Variants in PTPRH observed in about 807,000 individuals in gnomAD.
PTPRH encodes the protein receptor-type tyrosine-protein phosphatase H.
Under a neutral mutation model 130.2 loss-of-function variants are expected in PTPRH, and 113 were observed. The ratio of observed to expected loss-of-function variants is 0.87; its 90% CI spans 0.75 to 1.01. PTPRH has a LOEUF of 1.01. Ranked by LOEUF, PTPRH falls within the 50% of genes least tolerant of loss-of-function variation. The pLI, the probability that PTPRH is intolerant of heterozygous loss-of-function variation, is 0.00. For synonymous variants in PTPRH, 556 were observed against 577.9 expected (o/e 0.96, Z 0.54); for missense variants, 1,430 against 1,425.0 (o/e 1.00, Z -0.06).
intron 14 of PTPRH, 81 bp downstream of exon 14, chr19:55,187,432 A>T: frequency 9.1e-7 from 1 of 1,097,312 alleles, no homozygotes; most frequent in Non-Finnish European, 1.3e-6. Flanking sequence ...TTGTTTCTCA[A>T]AGCGGGTAGG....
At chr19:55,198,536 G>T in intron 8 of PTPRH, 107 bp downstream of exon 8, 1 of 1,220,838 alleles carries the variant, frequency 8.2e-7, no homozygotes, top group Non-Finnish European at 1.1e-6. Context: ...GGTGAGGCTG[G>T]AGAGGCCCAT....
At chr19:55,201,320 C>T (rs899335360) in intron 6 of PTPRH, among the ~76,000 whole-genome samples, 5 of 151,528 alleles carry the variant, frequency 3.3e-5, no homozygotes, top group Admixed American at 2.6e-4. Flanking sequence ...GAGGCTGCAG[C>T]GAGCTACGAT....
chr19:55,183,778 T>G (rs1281178929), intron 18 of PTPRH, among the ~76,000 whole-genome samples: 1 of 152,148 alleles, frequency 6.6e-6, no homozygotes, highest in Non-Finnish European at 1.5e-5. Flanking sequence ...CACAACGCTG[T>G]GCAGCCCCCA....
In PTPRH at chr19:55,198,551, A is replaced by T. The variant is rs952274993; in HGVS notation, c.1690+92T>A. 6 of 1,323,060 alleles carry T rather than the reference A, an allele frequency of 4.5e-6. No homozygotes were observed. In the African/African-American group the frequency reaches 9.0e-5, roughly 20 times the overall value. 82.0% of individuals were successfully genotyped at this position (1,323,060 alleles called of 1,614,324 possible). A position where few individuals can be genotyped will look rare whatever the true frequency, so the allele number is the denominator to read the frequency against. ...GGTGAGGCTGGAGAGGCCCATGGGTACTCTTCATCTCCCAAGGAGCTCCCA... is the reference window on the plus strand; with the variant it reads ...GGTGAGGCTGGAGAGGCCCATGGGTTCTCTTCATCTCCCAAGGAGCTCCCA... On this transcript the variant is annotated intron_variant, in intron 8 of 19. Coordinates refer to ENST00000376350, the MANE Select transcript of PTPRH (RefSeq NM_002842.5).
intron 13 of PTPRH, 42 bp downstream of exon 13, chr19:55,188,036 A>G (rs1161687183): frequency 4.6e-6 from 7 of 1,536,268 alleles, no homozygotes; most frequent in African/African-American, 1.4e-5. Context: ...GGTCTGGGCC[A>G]CCGGAGGGAG....
At chr19:55,202,009 G>A (rs759365586) in intron 6 of PTPRH, 47 bp downstream of exon 6, 17 of 1,603,810 alleles carry the variant, frequency 1.1e-5, no homozygotes, top group African/African-American at 1.3e-5. Context: ...ACTGCTTACT[G>A]TCCCTTAAAC....
rs1453253400 is a variant in PTPRH at position 55,187,655 on chromosome 19, C to T, written c.2476-52G>A. 4 of 1,393,202 alleles carry T rather than the reference C, an allele frequency of 2.9e-6. No homozygotes were observed. The South Asian group carries it at 3.5e-5, about 12-fold the overall frequency. The allele number at this position is 1,393,202 out of a possible 1,614,324, so 86.3% of individuals were successfully genotyped here. ...TGGTGTTGGATTTTCTCTACTTTCCCTCGGGGGTACCCCCGAGCTCCCCTT... is the reference window on the plus strand; with the variant it reads ...TGGTGTTGGATTTTCTCTACTTTCCTTCGGGGGTACCCCCGAGCTCCCCTT... On this transcript the variant is annotated intron_variant, in intron 13 of 19. Transcript: ENST00000376350.
chr19:55,187,398 G>T, intron 14 of PTPRH, 115 bp downstream of exon 14: 3 of 516,382 alleles, frequency 5.8e-6, no homozygotes, highest in Non-Finnish European at 6.6e-6. Context: ...AAAAAAAAAG[G>T]AGACCCACGG....
At chr19:55,194,667 G>T (rs1334702268) in intron 10 of PTPRH, among the ~76,000 whole-genome samples, 1 of 152,164 alleles carries the variant, frequency 6.6e-6, no homozygotes, top group African/African-American at 2.4e-5. Context: ...ATTGATTACT[G>T]CAAGATGATA....
chr19:55,197,433 G>A lies in PTPRH; in HGVS notation c.1691-17C>T, dbSNP rs779534535. 2.2e-5 allele frequency: 36 copies of A among 1,606,166 alleles called. 1 individual carries two copies. In the South Asian group the frequency reaches 4.0e-4, roughly 18 times the overall value. On this transcript the variant is annotated splice_polypyrimidine_tract_variant and intron_variant, in intron 8 of 19. Coordinates refer to ENST00000376350, the MANE Select transcript of PTPRH (RefSeq NM_002842.5). Reference sequence around the variant, plus strand: ...CATTGGGAGCTGAGAAGTGAGAACAGAGGCCTAAGGGGGTATCCTCGAAGA... The same window carrying A: ...CATTGGGAGCTGAGAAGTGAGAACAAAGGCCTAAGGGGGTATCCTCGAAGA...
intron 12 of PTPRH, among the ~76,000 whole-genome samples, chr19:55,188,761 G>A (rs548029886): frequency 1.9e-4 from 29 of 152,254 alleles, no homozygotes; most frequent in Non-Finnish European, 3.5e-4. Flanking sequence ...TAGCACCACT[G>A]CCTGTGCCTG....
chr19:55,182,467 G>A (rs566731366), intron 18 of PTPRH, among the ~76,000 whole-genome samples: 41 of 152,296 alleles, frequency 2.7e-4, no homozygotes, highest in African/African-American at 9.4e-4. Context: ...AGGTTGCAGT[G>A]AGCCAAGATC....
In PTPRH at chr19:55,188,157, T is replaced by G; in HGVS notation, c.2396A>C (p.Asp799Ala). 6.2e-7 allele frequency: 1 copy of G among 1,613,784 alleles called. No homozygotes were observed. Among genetic ancestry groups the G allele is most frequent in the Non-Finnish European group, 8.5e-7 (1 of 1,179,774 alleles). Residue 799 changes from aspartate to alanine, a missense_variant, in exon 13 of 20, where the codon GAC becomes GCC. Physicochemically the swap from Asp to Ala is moderately radical, Grantham distance 126. Transcript: ENST00000376350. ...LRDLVFSSPGDIPAEDFADHV... is the reference protein window; with the variant it reads ...LRDLVFSSPGAIPAEDFADHV... ...GTCAGCGAAGTCTTCAGCTGGGATG[T>G]CCCCTGGGGAGCTACGGGTTTTGGG...
At position 55,206,682 on chromosome 19, in the gene PTPRH, C is replaced by T. The variant is rs1158413369; in HGVS notation, c.352+7G>A. On this transcript the variant is annotated splice_region_variant and intron_variant, in intron 3 of 19. Transcript: ENST00000376350. ...GAAATAAAAATAAAGCAGTGGCTGC[C>T]TCTTACCTGTGGCAGTAGTGACAGT... 6.3e-7 allele frequency: 1 copy of T among 1,588,064 alleles called. No individual in the cohort carries two copies. The highest frequency in any genetic ancestry group is 8.6e-7 in the Non-Finnish European group (1 of 1,161,548).
rs751195054 is a variant in PTPRH at position 55,197,138 on chromosome 19, G to A, written c.1969C>T (p.Gln657Ter). ...AERNDVASST[Q>*]SLCASTYPDT... Reference sequence around the variant, plus strand: ...TCACATGTGGACGCACAGAGGCTCTGCGTGGAACTGGCTACGTCATTCCTC... The same window carrying A: ...TCACATGTGGACGCACAGAGGCTCTACGTGGAACTGGCTACGTCATTCCTC... Residue 657 changes from glutamine to a stop codon, truncating the protein, a stop_gained, in exon 9 of 20, where the codon CAG (glutamine) becomes TAG (stop). Coordinates refer to ENST00000376350, the MANE Select transcript of PTPRH (RefSeq NM_002842.5). LOFTEE classifies it high-confidence loss of function. 2.5e-6 allele frequency: 4 copies of A among 1,614,196 alleles called. No individual in the cohort carries two copies. Among genetic ancestry groups the A allele is most frequent in the Non-Finnish European group, 3.4e-6 (4 of 1,180,024 alleles).
chr19:55,200,836 G>T (rs1191764894), intron 6 of PTPRH, among the ~76,000 whole-genome samples: 1 of 152,018 alleles, frequency 6.6e-6, no homozygotes, highest in Non-Finnish European at 1.5e-5. Flanking sequence ...CCAGCTACTC[G>T]GGAGGCTGAG....
At chr19:55,189,756 G>A (rs1191322139) in intron 12 of PTPRH, 1 of 455,620 alleles carries the variant, frequency 2.2e-6, no homozygotes, top group African/African-American at 2.0e-5. Flanking sequence ...CGAGGTGGAA[G>A]GGCTGCTTGG....
chr19:55,185,143 C>T (rs898053306), intron 18 of PTPRH, among the ~76,000 whole-genome samples: 10 of 152,028 alleles, frequency 6.6e-5, no homozygotes, highest in East Asian at 3.9e-4. Context: ...TACAGGTGCC[C>T]GCCACGACAC....
intron 8 of PTPRH, 142 bp downstream of exon 8, chr19:55,198,501 G>T: frequency 2.4e-6 from 2 of 846,640 alleles, no homozygotes; most frequent in South Asian, 3.1e-5. Context: ...ACTAGGAACG[G>T]GACCTACAGG....
Sources: allele counts gnomAD v4.1 joint callset (sites outside exome capture counted in the v4.1 genomes callset), GRCh38; gene constraint gnomAD v4.1.1; transcripts MANE v1.5; gene names NCBI Gene and HGNC (gene_info 2026-07-23, HGNC 2026-07-21).